Variants in CYP3A7 observed in about 807,000 individuals in gnomAD.
CYP3A7 encodes the protein cytochrome P450 family 3 subfamily A member 7, also known as cytochrome P450 3A7.
Under a neutral mutation model 55.2 loss-of-function variants are expected in CYP3A7, and 45 were observed. The observed-to-expected ratio is 0.82, with a 90% confidence interval of 0.64 to 1.05. The LOEUF is 1.05. Among genes scored for constraint, CYP3A7 ranks in the 50% least tolerant of loss-of-function variants. The probability of loss-of-function intolerance (pLI) is 0.00; values close to 1 mark genes in which losing one functional copy is unlikely to be tolerated. For missense variants in CYP3A7, 548 were observed against 605.3 expected (o/e 0.91, Z 0.99); for synonymous variants, 180 against 207.4 (o/e 0.87, Z 1.13).
chr7:99,705,390 T>C lies in CYP3A7; in HGVS notation c.*110A>G. 1 of 1,235,378 alleles carries C rather than the reference T, an allele frequency of 8.1e-7. No individual in the cohort carries two copies. The allele number at this position is 1,235,378 out of a possible 1,614,324, so 76.5% of individuals were successfully genotyped here. On this transcript the variant is annotated 3_prime_UTR_variant, in exon 13 of 13. Coordinates refer to ENST00000336374, the MANE Select transcript of CYP3A7 (RefSeq NM_000765.5). ...AATCCCTGATTATTTATGCAGCACATTGGATGAAGCCCGTCTTCATTTCAG... is the reference window on the plus strand; with the variant it reads ...AATCCCTGATTATTTATGCAGCACACTGGATGAAGCCCGTCTTCATTTCAG...
chr7:99,728,875 A>G (rs73713594), intron 2 of CYP3A7, among the ~76,000 whole-genome samples: 12,263 of 152,238 alleles, frequency 0.081, 605 homozygotes, highest in African/African-American at 0.13. Context: ...TTACAGATAC[A>G]TCACAAACTT....
At position 99,709,256 on chromosome 7, in the gene CYP3A7, T is replaced by G. The variant is rs766963775; in HGVS notation, c.1032A>C (p.Pro344=). 1 of 1,613,722 alleles carries G rather than the reference T, an allele frequency of 6.2e-7. No individual in the cohort carries two copies. Among genetic ancestry groups the G allele is most frequent in the South Asian group, 1.1e-5 (1 of 91,078 alleles). Residue 344 remains proline, a synonymous_variant, in exon 11 of 13, where the codon CCA becomes CCC. Coordinates refer to ENST00000336374, the MANE Select transcript of CYP3A7 (RefSeq NM_000765.5). ...EIDTVLPNKA[P]PTYDTVLQLE... The stretch of plus-strand genomic sequence containing the variant: ...ACTGTAGCACAGTATCATAGGTGGG[T>G]GGTGCCTGAAAAGAAAGAAACAGAT...
At chr7:99,724,293 A>T in intron 2 of CYP3A7, among the ~76,000 whole-genome samples, 1 of 152,326 alleles carries the variant, frequency 6.6e-6, no homozygotes, top group Non-Finnish European at 1.5e-5. Context: ...TACAAACTGG[A>T]CAATGGTTCC....
intron 8 of CYP3A7, 143 bp downstream of exon 8, chr7:99,714,412 A>C: frequency 1.5e-6 from 2 of 1,351,550 alleles, no homozygotes; most frequent in Non-Finnish European, 2.0e-6. Context: ...TTCCTACCAA[A>C]TGAATTATCT....
chr7:99,724,067 A>G (rs1394782797), intron 2 of CYP3A7, among the ~76,000 whole-genome samples: 1 of 151,926 alleles, frequency 6.6e-6, no homozygotes, highest in East Asian at 1.9e-4. Context: ...GGCAAGCACC[A>G]CCTTCCCTGG....
chr7:99,718,712 A>C (rs1325131300), intron 4 of CYP3A7, among the ~76,000 whole-genome samples: 1 of 152,230 alleles, frequency 6.6e-6, no homozygotes, highest in Non-Finnish European at 1.5e-5. Context: ...GAAATAAAAG[A>C]ATTGTCTCTA....
intron 9 of CYP3A7, 93 bp from the exon 10 acceptor site, chr7:99,710,985 C>T: frequency 2.5e-6 from 4 of 1,594,822 alleles, no homozygotes; most frequent in Non-Finnish European, 3.4e-6. Flanking sequence ...CCTTCAAATC[C>T]CCAGGGGAAA....
intron 2 of CYP3A7, 89 bp downstream of exon 2, chr7:99,730,970 T>A: frequency 6.5e-7 from 1 of 1,528,594 alleles, no homozygotes; most frequent in Non-Finnish European, 9.0e-7. Flanking sequence ...ATCTCAGACC[T>A]TCCTCTTGAG....
chr7:99,717,524 A>G lies in CYP3A7; in HGVS notation c.432+2T>C, dbSNP rs1325100162. On this transcript the variant is annotated splice_donor_variant, in intron 5 of 12. Coordinates refer to ENST00000336374, the MANE Select transcript of CYP3A7 (RefSeq NM_000765.5). LOFTEE classifies it high-confidence loss of function. ...TAATTAAAACCCAAGTTATTTTCAT[A>G]CCTCCTTGAGTTTTCCGCTGGTGAA... 2 of 1,613,498 alleles carry G rather than the reference A, an allele frequency of 1.2e-6. No homozygotes were observed. The highest frequency in any genetic ancestry group is 1.7e-6 in the Non-Finnish European group (2 of 1,179,766).
In CYP3A7 at chr7:99,707,913, G is replaced by T. The variant is rs1162803300; in HGVS notation, c.1315C>A (p.Pro439Thr). 1 of 1,613,982 alleles carries T rather than the reference G, an allele frequency of 6.2e-7. No individual in the cohort carries two copies. Among genetic ancestry groups the T allele is most frequent in the African/African-American group, 1.3e-5 (1 of 75,032 alleles). Residue 439 changes from proline (P) to threonine (T), a missense_variant, in exon 12 of 13, where the codon CCC becomes ACC. By Grantham distance (38) the Pro-to-Thr change is conservative. Coordinates refer to ENST00000336374, the MANE Select transcript of CYP3A7 (RefSeq NM_000765.5). ...PYIYTPFGSG[P>T]RNCIGMRFAL... ...AACCTCATGCCAATGCAGTTTCTGG[G>T]TCCACTTCCAAAGGGTGTGTATATG...
intron 3 of CYP3A7, 129 bp from the exon 4 acceptor site, chr7:99,720,541 A>G: frequency 9.8e-7 from 1 of 1,021,570 alleles, no homozygotes; most frequent in East Asian, 2.7e-5. Context: ...AGTAATCTTA[A>G]GTTCTAGTTC....
At position 99,710,889 on chromosome 7, in the gene CYP3A7, A is replaced by C. The variant is rs749883684; in HGVS notation, c.869T>G (p.Leu290Arg). The change falls in exon 10 of 13, where the codon CTG (leucine) becomes CGG (arginine). Residue 290 changes from leucine to arginine, a missense_variant. Coordinates refer to ENST00000336374, the MANE Select transcript of CYP3A7 (RefSeq NM_000765.5). ...NSKDSETHKA[L>R]SDLELMAQSI... ...TTGGGCCATGAGCTCCAGATCAGAC[A>C]GAGCTGAAAGGAGAGAAAAGACATT... is the stretch of plus-strand genomic sequence containing the variant. The C allele has an allele frequency of 1.9e-5, 31 of 1,613,652 alleles. No individual in the cohort carries two copies. Among genetic ancestry groups the C allele is most frequent in the African/African-American group, 1.9e-4 (14 of 74,912 alleles).
chr7:99,710,105 A>G (rs1418147479), intron 10 of CYP3A7, among the ~76,000 whole-genome samples: 1 of 152,214 alleles, frequency 6.6e-6, no homozygotes, highest in Non-Finnish European at 1.5e-5. Flanking sequence ...TCACTGCCAC[A>G]CAAAGACCAG....
chr7:99,722,180 G>A, intron 3 of CYP3A7, 116 bp downstream of exon 3: 1 of 1,309,430 alleles, frequency 7.6e-7, no homozygotes, highest in East Asian at 2.4e-5. Flanking sequence ...TCTGTTTGTA[G>A]TTAGGCTGGC....
rs764297227 is a variant in CYP3A7, at chr7:99,731,075, G to C, written c.149C>G (p.Ala50Gly). ...AACACTCACCTTACGGAAGGACAAA[G>C]CATTTCCCAAAAAAGGCAGAGGTGT... Reference protein sequence around the residue: ...GPTPLPFLGNALSFRKGYWTF... With the variant: ...GPTPLPFLGNGLSFRKGYWTF... Residue 50 changes from alanine to glycine, a missense_variant, in exon 2 of 13, where the codon GCT (alanine) becomes GGT (glycine). Physicochemically the swap from Ala to Gly is moderately conservative, Grantham distance 60. Coordinates refer to ENST00000336374, the MANE Select transcript of CYP3A7 (RefSeq NM_000765.5). The C allele has an allele frequency of 6.2e-7, 1 of 1,613,692 alleles. No individual in the cohort carries two copies. The highest frequency in any genetic ancestry group is 1.3e-5 in the African/African-American group (1 of 74,898).
At position 99,705,348 on chromosome 7, in the gene CYP3A7, G is replaced by A. The variant is rs924583415; in HGVS notation, c.*152C>T. On this transcript the variant is annotated 3_prime_UTR_variant, in exon 13 of 13. Coordinates refer to ENST00000336374, the MANE Select transcript of CYP3A7 (RefSeq NM_000765.5). ...AACACTCTATACAGACCATGAGAGA[G>A]CACAATGCACGTACAGAATCCCTGA... 2 of 834,922 alleles carry A rather than the reference G, an allele frequency of 2.4e-6. No individual in the cohort carries two copies. Among genetic ancestry groups the A allele is most frequent in the African/African-American group, 1.7e-5 (1 of 59,018 alleles). 51.7% of individuals were successfully genotyped at this position (834,922 alleles called of 1,614,324 possible). A position where few individuals can be genotyped will look rare whatever the true frequency, so the allele number is the denominator to read the frequency against.
At chr7:99,716,869 T>G (rs1813970532) in intron 6 of CYP3A7, among the ~76,000 whole-genome samples, 2 of 152,168 alleles carry the variant, frequency 1.3e-5, no homozygotes, top group African/African-American at 4.8e-5. Context: ...ACTCCATGCT[T>G]AAAACTTTGA....
intron 2 of CYP3A7, among the ~76,000 whole-genome samples, chr7:99,727,172 C>T (rs919854056): frequency 3.9e-5 from 6 of 152,158 alleles, no homozygotes; most frequent in Non-Finnish European, 7.4e-5. Flanking sequence ...TACACACAGC[C>T]AAAGTGCAGG....
chr7:99,708,000 A>G lies in CYP3A7; in HGVS notation c.1254-26T>C, dbSNP rs772599757. 6 of 1,613,632 alleles carry G rather than the reference A, an allele frequency of 3.7e-6. No homozygotes were observed. In the East Asian group the frequency reaches 8.9e-5, roughly 24 times the overall value. The stretch of plus-strand genomic sequence containing the variant: ...CTGGTTCCATATTGGTAGATATTTT[A>G]AAAGTTAAAGACATAATACCTCTAA... On this transcript the variant is annotated intron_variant, in intron 11 of 12. Coordinates refer to ENST00000336374, the MANE Select transcript of CYP3A7 (RefSeq NM_000765.5).
Sources: allele counts gnomAD v4.1 joint callset (sites outside exome capture counted in the v4.1 genomes callset), GRCh38; gene constraint gnomAD v4.1.1; transcripts MANE v1.5; gene names NCBI Gene and HGNC (gene_info 2026-07-23, HGNC 2026-07-21).